The following ZNF638 variants were observed in gnomAD, a reference collection of about 807,000 sequenced individuals.
ZNF638 encodes the protein zinc finger protein 638.
A neutral mutation model predicts 195.6 loss-of-function variants in ZNF638; 46 were observed. The ratio of observed to expected loss-of-function variants is 0.24; its 90% CI spans 0.19 to 0.30. The LOEUF (loss-of-function observed/expected upper bound fraction) is 0.30. Ranked by LOEUF, ZNF638 falls within the 10% of genes least tolerant of loss-of-function variation. The probability of loss-of-function intolerance (pLI) is 1.00; values close to 1 mark genes in which losing one functional copy is unlikely to be tolerated. For synonymous variants in ZNF638, 845 were observed against 772.0 expected, an observed-to-expected ratio of 1.09 and a Z score of -1.57; for missense variants, 2,440 against 2,325.3, an observed-to-expected ratio of 1.05 and a Z score of -1.01.
intron 10 of ZNF638, 32 bp downstream of exon 10, chr2:71,380,597 G>A (rs753268705): frequency 1.5e-5 from 24 of 1,551,468 alleles, no homozygotes; most frequent in Admixed American, 1.1e-4. Flanking sequence ...TCTTTCAAAT[G>A]AGTGTATCTT....
At position 71,365,540 on chromosome 2, in the gene ZNF638, C is replaced by T. The variant is rs1369147005; in HGVS notation, c.1829C>T (p.Pro610Leu). Reference sequence around the variant, plus strand: ...AAGGGACATTCACCAGCACAAAAGCCTAAAACTAGCAGTGGAACAAAACCA... The same window carrying T: ...AAGGGACATTCACCAGCACAAAAGCTTAAAACTAGCAGTGGAACAAAACCA... ...ADKGHSPAQK[P>L]KTSSGTKPSV... is the part of the protein sequence containing the mutation. The change falls in exon 6 of 28, where the codon CCT (proline) becomes CTT (leucine). Residue 610 changes from proline to leucine, a missense_variant. Around this residue, in one of 5 missense-constraint regions of ZNF638, gnomAD observed 1,883 missense variants for 1,739.1 expected, o/e 1.08. Transcript: ENST00000264447. 6.2e-7 allele frequency: 1 copy of T among 1,614,094 alleles called. No individual in the cohort carries two copies. Among genetic ancestry groups the T allele is most frequent in the East Asian group, 2.2e-5 (1 of 44,874 alleles).
At chr2:71,393,730 T>C in intron 10 of ZNF638, 1 of 656,580 alleles carries the variant, frequency 1.5e-6, no homozygotes, top group East Asian at 2.7e-5. Flanking sequence ...GGCTCATCTG[T>C]TAGATCCGCC....
At chr2:71,348,385 C>T in intron 1 of ZNF638, 2 of 986,610 alleles carry the variant, frequency 2.0e-6, no homozygotes, top group Non-Finnish European at 2.4e-6. Flanking sequence ...TAAATGTGTG[C>T]ATTTATAAGT....
intron 12 of ZNF638, 129 bp downstream of exon 12, chr2:71,398,901 C>A (rs1374571467): frequency 1.1e-5 from 9 of 821,794 alleles, no homozygotes; most frequent in Non-Finnish European, 1.7e-5. Flanking sequence ...AAACCTGACC[C>A]ATTTTGTTGG....
chr2:71,347,947 A>G (rs1413000982), intron 1 of ZNF638, among the ~76,000 whole-genome samples: 1 of 152,196 alleles, frequency 6.6e-6, no homozygotes, highest in Non-Finnish European at 1.5e-5. Context: ...AACTGTACAT[A>G]TCTCAGGACT....
At chr2:71,431,180 T>G in intron 25 of ZNF638, 147 bp from the exon 26 acceptor site, 1 of 614,704 alleles carries the variant, frequency 1.6e-6, no homozygotes, top group Non-Finnish European at 2.9e-6. Flanking sequence ...TTAAAGAATC[T>G]TGGAGAATAT....
At chr2:71,429,451 A>T (rs1250705902) in intron 25 of ZNF638, among the ~76,000 whole-genome samples, 3 of 152,094 alleles carry the variant, frequency 2.0e-5, no homozygotes, top group African/African-American at 7.2e-5. Flanking sequence ...TTCTCATTGG[A>T]TGTCCTTGCT....
Position 71,398,762 on chromosome 2 carries a change from A to C in ZNF638, c.2490A>C (p.Ser830=). 1 of 1,612,776 alleles carries C rather than the reference A, an allele frequency of 6.2e-7. No homozygotes were observed. Among genetic ancestry groups the C allele is most frequent in the Non-Finnish European group, 8.5e-7 (1 of 1,178,976 alleles). ...VTVAVKGNKA[S]IKTAKSGGKK... ...TAGCTGTTAAAGGTAATAAAGCTTC[A>C]ATCAAAACAGGTAAGACTATTGGGG... is the stretch of plus-strand genomic sequence containing the variant. Residue 830 remains serine (S), a synonymous_variant, in exon 12 of 28, where the codon TCA becomes TCC. Coordinates refer to ENST00000264447, the MANE Select transcript of ZNF638 (RefSeq NM_014497.5).
At chr2:71,406,094 G>C (rs769673718) in intron 18 of ZNF638, 34 bp from the exon 19 acceptor site, 7 of 1,609,298 alleles carry the variant, frequency 4.3e-6, no homozygotes, top group Non-Finnish European at 5.9e-6. Flanking sequence ...CTTCAGCTGT[G>C]GTTTTTTCTG....
At chr2:71,383,838 G>A (rs1275261462) in intron 10 of ZNF638, among the ~76,000 whole-genome samples, 2 of 126,172 alleles carry the variant, frequency 1.6e-5, no homozygotes, top group Non-Finnish European at 3.1e-5. Flanking sequence ...CTAAACTTAA[G>A]TGATGCACCC....
intron 21 of ZNF638, among the ~76,000 whole-genome samples, chr2:71,421,659 G>A (rs1194904038): frequency 6.6e-6 from 1 of 152,136 alleles, no homozygotes; most frequent in Non-Finnish European, 1.5e-5. Flanking sequence ...AAAAGGGATG[G>A]CTCATCCTCT....
At chr2:71,390,951 C>T (rs1269185429) in intron 10 of ZNF638, among the ~76,000 whole-genome samples, 1 of 152,194 alleles carries the variant, frequency 6.6e-6, no homozygotes, top group Non-Finnish European at 1.5e-5. Context: ...CTGCAAACCC[C>T]TTTCTAATAA....
intron 4 of ZNF638, 92 bp downstream of exon 4, chr2:71,363,283 T>A (rs781718368): frequency 8.1e-6 from 8 of 990,772 alleles, no homozygotes; most frequent in Middle Eastern, 5.9e-4. Context: ...TGAGTTCTAC[T>A]TCTGCCATTT....
intron 1 of ZNF638, 140 bp from the exon 2 acceptor site, chr2:71,348,613 C>T (rs1170885806): frequency 2.4e-5 from 29 of 1,218,776 alleles, no homozygotes; most frequent in Middle Eastern, 6.1e-4. Flanking sequence ...TTTAAATCTT[C>T]GTAAGCCCTT....
chr2:71,380,473 ATTC>A (rs771079102), intron 9 of ZNF638, 37 bp from the exon 10 acceptor site: 2 of 1,545,234 alleles, frequency 1.3e-6, no homozygotes, highest in South Asian at 2.4e-5. Context: ...AGAACTTAGA[ATTC>A]CTAAGTTGCT....
intron 1 of ZNF638, among the ~76,000 whole-genome samples, chr2:71,347,551 A>G (rs1337777148): frequency 1.3e-5 from 2 of 152,244 alleles, no homozygotes; most frequent in African/African-American, 2.4e-5. Flanking sequence ...ACAATTGTAG[A>G]TGCCTCAAGA....
chr2:71,417,965 C>T (rs947411941), intron 20 of ZNF638, among the ~76,000 whole-genome samples: 1 of 152,154 alleles, frequency 6.6e-6, no homozygotes, highest in African/African-American at 2.4e-5. Flanking sequence ...AAAAGGCTTC[C>T]TTCTAGTATG....
intron 15 of ZNF638, among the ~76,000 whole-genome samples, chr2:71,401,112 T>A (rs780018471): frequency 4.6e-5 from 7 of 152,132 alleles, no homozygotes; most frequent in Non-Finnish European, 7.4e-5. Context: ...AAGTAGTAAG[T>A]CTTATTTTAG....
rs747112326 is a variant in ZNF638 at position 71,427,058 on chromosome 2, C to T, written c.5189C>T (p.Pro1730Leu). Reference protein sequence around the residue: ...GFISSQVPEDPSTLVTVDEIQ... With the variant: ...GFISSQVPEDLSTLVTVDEIQ... ...ATTTCTTCTCAGGTGCCCGAAGACC[C>T]TTCTACTTTAGTTACTGTAGATGAA... Residue 1730 changes from proline (P) to leucine (L), a missense_variant, in exon 24 of 28, where the codon CCT becomes CTT. Pro to Leu is a moderately conservative substitution (Grantham distance 98). Transcript: ENST00000264447. 4.3e-6 allele frequency: 7 copies of T among 1,614,040 alleles called. No homozygotes were observed. The highest frequency in any genetic ancestry group is 5.9e-6 in the Non-Finnish European group (7 of 1,179,982).
Sources: gnomAD v4.1 joint callset for allele counts (sites outside exome capture counted in the v4.1 genomes callset) on GRCh38, gnomAD v4.1.1 for gene constraint, gnomAD v4.1.1 regional missense constraint, MANE v1.5 for transcripts, NCBI Gene and HGNC (gene_info 2026-07-23, HGNC 2026-07-21) for gene names.